ST7: variants seen among roughly 807,000 people sequenced by gnomAD.
The protein encoded by ST7 is suppression of tumorigenicity 7.
ST7 carries 28 observed loss-of-function variants against 78.7 expected under a neutral mutation model. That is an observed-to-expected ratio of 0.36 (90% confidence interval 0.26 to 0.49). The LOEUF is 0.49. ST7 is among the 20% of genes least tolerant of loss of function. The probability of loss-of-function intolerance (pLI) is 0.99; values close to 1 mark genes in which losing one functional copy is unlikely to be tolerated. For missense variants in ST7, 418 were observed against 696.0 expected (o/e 0.60, Z 4.49); for synonymous variants, 247 against 249.6 (o/e 0.99, Z 0.10).
intron 1 of ST7, among the ~76,000 whole-genome samples, chr7:117,051,618 A>G (rs1217432787): frequency 6.6e-6 from 1 of 152,146 alleles, no homozygotes; most frequent in Non-Finnish European, 1.5e-5. Context: ...GACAGGAGGG[A>G]ATAGATAGAG....
chr7:117,019,541 A>C (rs1394204930), intron 1 of ST7, among the ~76,000 whole-genome samples: 3 of 152,238 alleles, frequency 2.0e-5, no homozygotes, highest in Admixed American at 2.0e-4. Flanking sequence ...AATGACAGAA[A>C]TTCATGTAAG....
chr7:117,227,321 A>G (rs761111897), intron 15 of ST7, among the ~76,000 whole-genome samples: 4 of 152,148 alleles, frequency 2.6e-5, no homozygotes, highest in Non-Finnish European at 5.9e-5. Flanking sequence ...ACTCAACCAC[A>G]ACTTCAACAG....
intron 1 of ST7, among the ~76,000 whole-genome samples, chr7:117,058,180 A>G (rs952415249): frequency 5.9e-5 from 9 of 152,202 alleles, no homozygotes; most frequent in Admixed American, 6.5e-5. Flanking sequence ...TTGGAACTCA[A>G]TTGTTCTTTA....
chr7:117,020,749 A>G (rs7788320), intron 1 of ST7: 820,792 of 1,410,210 alleles, frequency 0.58, 242,749 homozygotes, highest in Non-Finnish European at 0.61. Flanking sequence ...TTTTGGCTCT[A>G]ATTACAAAGG....
intron 1 of ST7, among the ~76,000 whole-genome samples, chr7:116,962,461 C>A (rs1051330803): frequency 6.6e-6 from 1 of 152,166 alleles, no homozygotes; most frequent in African/African-American, 2.4e-5. Flanking sequence ...GGTTTCCTGA[C>A]GTTTTAATAA....
chr7:116,957,882 C>G (rs1792595148), intron 1 of ST7, among the ~76,000 whole-genome samples: 1 of 152,226 alleles, frequency 6.6e-6, no homozygotes, highest in South Asian at 2.1e-4. Context: ...AGTGATTTTC[C>G]AATTCTTTTT....
chr7:117,101,267 C>T (rs997845264), intron 2 of ST7, among the ~76,000 whole-genome samples: 3 of 152,130 alleles, frequency 2.0e-5, no homozygotes, highest in African/African-American at 7.2e-5. Flanking sequence ...GTTTCAGGGT[C>T]CCACTCTTTT....
At chr7:117,164,378 A>G (rs1432081850) in intron 9 of ST7, among the ~76,000 whole-genome samples, 2 of 152,206 alleles carry the variant, frequency 1.3e-5, no homozygotes, top group African/African-American at 4.8e-5. Context: ...TCTAATATTC[A>G]GCTGCATAAA....
chr7:117,157,161 A>G (rs1212877250), intron 9 of ST7, among the ~76,000 whole-genome samples: 1 of 152,186 alleles, frequency 6.6e-6, no homozygotes, highest in Non-Finnish European at 1.5e-5. Context: ...TGCTGGAAAC[A>G]TGATGGCATG....
At chr7:117,196,816 T>A (rs1810362212) in intron 12 of ST7, among the ~76,000 whole-genome samples, 1 of 152,222 alleles carries the variant, frequency 6.6e-6, no homozygotes, top group African/African-American at 2.4e-5. Flanking sequence ...ACTTGTGTAT[T>A]TTTGCTTTTG....
chr7:117,189,307 T>C lies in ST7; in HGVS notation c.1079-14T>C. 1 of 1,593,076 alleles carries C rather than the reference T, an allele frequency of 6.3e-7. No individual in the cohort carries two copies. On this transcript the variant is annotated splice_polypyrimidine_tract_variant and intron_variant, in intron 10 of 15. Transcript: ENST00000323984. ...TGCAAACTTATGTGTTCCTACTTTC[T>C]TTTTCTCCAACAGATATAAGCTTAC...
intron 1 of ST7, among the ~76,000 whole-genome samples, chr7:117,077,150 G>A (rs908132567): frequency 5.3e-5 from 8 of 152,168 alleles, no homozygotes; most frequent in Admixed American, 4.6e-4. Flanking sequence ...TCTCTGCGAT[G>A]TCCAGCTGTA....
At chr7:117,210,904 G>C (rs1293182642) in intron 13 of ST7, among the ~76,000 whole-genome samples, 1 of 152,198 alleles carries the variant, frequency 6.6e-6, no homozygotes, top group African/African-American at 2.4e-5. Flanking sequence ...TAAAACAAGA[G>C]AGTCTTCTGA....
At chr7:116,990,335 G>A (rs780013998) in intron 1 of ST7, among the ~76,000 whole-genome samples, 19 of 152,106 alleles carry the variant, frequency 1.2e-4, no homozygotes, top group Non-Finnish European at 2.2e-4. Context: ...TGCTTGGACC[G>A]TTTTCTTTCT....
At chr7:117,212,331 G>A (rs1037868667) in intron 13 of ST7, among the ~76,000 whole-genome samples, 1 of 152,188 alleles carries the variant, frequency 6.6e-6, no homozygotes, top group Non-Finnish European at 1.5e-5. Context: ...AGGTCCTGTG[G>A]CCACTGTTGG....
chr7:117,095,999 T>C (rs528002106), intron 1 of ST7, among the ~76,000 whole-genome samples: 32 of 128,750 alleles, frequency 2.5e-4, no homozygotes, highest in Non-Finnish European at 3.8e-4. Context: ...ACCCGGGAGG[T>C]AGAGGTTGCA....
intron 9 of ST7, among the ~76,000 whole-genome samples, chr7:117,142,222 G>A (rs1028414942): frequency 2.0e-5 from 3 of 151,986 alleles, no homozygotes; most frequent in Admixed American, 6.5e-5. Context: ...GATGACCATG[G>A]TCTAGTCCCT....
rs1809699470 is a variant in ST7, at chr7:117,190,757, C to G, written c.1152-77C>G. The G allele has an allele frequency of 8.5e-7, 1 of 1,180,190 alleles. No individual in the cohort carries two copies. The highest frequency in any genetic ancestry group is 2.4e-5 in the East Asian group (1 of 42,484). The allele number at this position is 1,180,190 out of a possible 1,614,324, so 73.1% of individuals were successfully genotyped here. ...TTGGCTCACTGTGGTTTTATGGGCCCTAGATGTGTAGATGCTTCCGGGTTG... is the reference window on the plus strand; with the variant it reads ...TTGGCTCACTGTGGTTTTATGGGCCGTAGATGTGTAGATGCTTCCGGGTTG... On this transcript the variant is annotated intron_variant, in intron 11 of 15. Transcript: ENST00000323984. The surrounding 1 kb of genome is among the most constrained non-coding windows in gnomAD (Gnocchi z 5.2).
chr7:117,081,029 C>G (rs935284612), intron 1 of ST7: 1 of 152,002 alleles, frequency 6.6e-6, no homozygotes, highest in Non-Finnish European at 1.5e-5. Context: ...TGATGACTTC[C>G]CAGGATGCTT....
Sources: gnomAD v4.1 joint callset for allele counts (sites outside exome capture counted in the v4.1 genomes callset) on GRCh38, gnomAD v4.1.1 for gene constraint, Gnocchi (gnomAD v3.1) non-coding constraint, MANE v1.5 for transcripts, NCBI Gene and HGNC (gene_info 2026-07-23, HGNC 2026-07-21) for gene names.